Variants in SGCD observed in about 807,000 individuals in gnomAD.
The protein encoded by SGCD is sarcoglycan delta.
A neutral mutation model predicts 36.6 loss-of-function variants in SGCD; 18 were observed. The ratio of observed to expected loss-of-function variants is 0.49; its 90% CI spans 0.34 to 0.73. The LOEUF is 0.73. Ranked by LOEUF, SGCD falls within the 30% of genes least tolerant of loss-of-function variation. The pLI is 0.01. For synonymous variants in SGCD, 133 were observed against 130.6 expected (o/e 1.02, Z -0.12); for missense variants, 387 against 346.7 (o/e 1.12, Z -0.92).
chr5:156,078,645 TAC>T (rs769370712), intron 1 of SGCD, among the ~76,000 whole-genome samples: 10 of 147,568 alleles, frequency 6.8e-5, no homozygotes, highest in Admixed American at 4.8e-4. Flanking sequence ...CATATTTATA[TAC>T]ACACACACAT....
At chr5:156,520,488 T>C (rs151307864) in intron 4 of SGCD, among the ~76,000 whole-genome samples, 2 of 151,618 alleles carry the variant, frequency 1.3e-5, no homozygotes, top group Admixed American at 6.6e-5. Flanking sequence ...CTACCTTTGA[T>C]GTTACTCACA....
chr5:156,748,898 G>A (rs1757044722), intron 7 of SGCD, among the ~76,000 whole-genome samples: 1 of 152,034 alleles, frequency 6.6e-6, no homozygotes, highest in African/African-American at 2.4e-5. Flanking sequence ...TGGGGTAGCT[G>A]GGATTACAGG....
intron 2 of SGCD, among the ~76,000 whole-genome samples, chr5:156,339,330 T>C (rs6888978): frequency 0.75 from 114,654 of 152,128 alleles, 44,211 homozygotes; most frequent in African/African-American, 0.92. Context: ...TTGAAAATAG[T>C]TTTATGACGA....
intron 7 of SGCD, among the ~76,000 whole-genome samples, chr5:156,738,186 G>A (rs958614903): frequency 6.6e-6 from 1 of 152,172 alleles, no homozygotes; most frequent in Non-Finnish European, 1.5e-5. Flanking sequence ...AGATGGAAAT[G>A]TACATCTTTT....
rs72288706 is a variant in SGCD at position 156,098,599 on chromosome 5, G to GTATA, written c.-281-19263_-281-19260dup. On this transcript the variant is annotated intron_variant, in intron 1 of 9. Transcript: ENST00000517913. ...TGAGAGCCTATGGTTGTGTGTATGTGTATATATATATATATATATTTATTT... is the reference window on the plus strand; with the variant it reads ...TGAGAGCCTATGGTTGTGTGTATGTGTATATATATATATATATATATATTTATTT... 3.3e-4 allele frequency among the ~76,000 whole-genome samples: 49 copies of GTATA among 147,544 alleles called. 1 individual carries two copies. The highest frequency in any genetic ancestry group is 1.3e-3 in the South Asian group (6 of 4,698).
rs139745623 is a variant in SGCD at position 156,083,779 on chromosome 5, T to TG, written c.-281-34099_-281-34098insG. Reference sequence around the variant, plus strand: ...AGTGTGAGCTTTAGATCAGGTTTTTTTTTTGTTTTGTTTTTGTTTTTTGTT... The same window carrying TG: ...AGTGTGAGCTTTAGATCAGGTTTTTTGTTTTGTTTTGTTTTTGTTTTTTGTT... On this transcript the variant is annotated intron_variant, in intron 1 of 9. Coordinates refer to the SGCD transcript ENST00000517913. 4.6e-3 allele frequency among the ~76,000 whole-genome samples: 701 copies of TG among 152,184 alleles called. 4 individuals are homozygous for TG. The highest frequency in any genetic ancestry group is 0.013 in the African/African-American group (521 of 41,548).
At chr5:156,471,799 A>G (rs189267532) in intron 3 of SGCD, among the ~76,000 whole-genome samples, 1 of 152,260 alleles carries the variant, frequency 6.6e-6, no homozygotes, top group African/African-American at 2.4e-5. Flanking sequence ...ACTTTCTCAA[A>G]ATAAAAACTT....
intron 3 of SGCD, among the ~76,000 whole-genome samples, chr5:156,172,728 C>T (rs1383853383): frequency 6.7e-6 from 1 of 150,100 alleles, no homozygotes; most frequent in African/African-American, 2.5e-5. Flanking sequence ...ATCCTGCCAG[C>T]TCCTGATTTC....
At chr5:156,739,437 CAAAT>C (rs1438666587) in intron 7 of SGCD, among the ~76,000 whole-genome samples, 2 of 152,098 alleles carry the variant, frequency 1.3e-5, no homozygotes, top group Non-Finnish European at 2.9e-5. Context: ...AGTAAAGAGA[CAAAT>C]AAATAATTGC....
chr5:156,637,104 T>C (rs1762855306), intron 6 of SGCD, among the ~76,000 whole-genome samples: 2 of 152,120 alleles, frequency 1.3e-5, no homozygotes, highest in Non-Finnish European at 1.5e-5. Flanking sequence ...GTTAACTCCA[T>C]GCTATTCTTG....
the SGCD span, among the ~76,000 whole-genome samples, chr5:155,738,512 A>C: frequency 5.1e-4 from 77 of 152,304 alleles, no homozygotes; most frequent in African/African-American, 1.8e-3. Flanking sequence ...GAGCTGCCTC[A>C]TTATTTTTCT....
chr5:155,827,575 CTGTT>C, the SGCD span, among the ~76,000 whole-genome samples: 1 of 151,266 alleles, frequency 6.6e-6, no homozygotes, highest in Non-Finnish European at 1.5e-5. Flanking sequence ...CATTTAAAAT[CTGTT>C]TGTATTTCAC....
chr5:156,732,133 A>C (rs1324694995), intron 7 of SGCD, among the ~76,000 whole-genome samples: 2 of 151,904 alleles, frequency 1.3e-5, no homozygotes, highest in African/African-American at 2.4e-5. Context: ...AATGCCCTTT[A>C]TTTCTTTCTC....
chr5:156,489,753 CA>C (rs1755854327), intron 3 of SGCD, among the ~76,000 whole-genome samples: 1 of 151,854 alleles, frequency 6.6e-6, no homozygotes, highest in Admixed American at 6.6e-5. Context: ...TAGCAATAAG[CA>C]CCTACACCAA....
At chr5:156,195,134 G>A (rs1031122111) in intron 3 of SGCD, among the ~76,000 whole-genome samples, 7 of 152,150 alleles carry the variant, frequency 4.6e-5, no homozygotes, top group African/African-American at 1.7e-4. Flanking sequence ...AAATGGTGTT[G>A]TCAAAATTAT....
At chr5:155,920,063 T>A (rs1561650192) in intron 1 of SGCD, among the ~76,000 whole-genome samples, 1 of 152,138 alleles carries the variant, frequency 6.6e-6, no homozygotes, top group Non-Finnish European at 1.5e-5. Flanking sequence ...ATGCGATTAT[T>A]CTTGGACAGA....
At chr5:156,365,797 A>G (rs1384101435) in intron 3 of SGCD, among the ~76,000 whole-genome samples, 2 of 152,198 alleles carry the variant, frequency 1.3e-5, no homozygotes, top group East Asian at 3.8e-4. Context: ...ATATGCATGT[A>G]TACATAAATA....
intron 3 of SGCD, among the ~76,000 whole-genome samples, chr5:156,350,371 AC>A (rs1245876462): frequency 6.7e-6 from 1 of 150,254 alleles, no homozygotes; most frequent in Non-Finnish European, 1.5e-5. Context: ...CTGTAATCAA[AC>A]CCCCTGTGTA....
At chr5:156,753,656 G>T (rs1021895438) in intron 7 of SGCD, among the ~76,000 whole-genome samples, 1 of 152,200 alleles carries the variant, frequency 6.6e-6, no homozygotes, top group Non-Finnish European at 1.5e-5. Flanking sequence ...ATGGTGGAAG[G>T]TTAAGGGGAA....
Sources: allele counts gnomAD v4.1 joint callset (sites outside exome capture counted in the v4.1 genomes callset), GRCh38; gene constraint gnomAD v4.1.1; transcripts MANE v1.5; gene names NCBI Gene and HGNC (gene_info 2026-07-23, HGNC 2026-07-21).